Variants in ROBO2 observed in about 807,000 individuals in gnomAD.
The protein encoded by ROBO2 is roundabout homolog 2.
A neutral mutation model predicts 160.8 loss-of-function variants in ROBO2; 53 were observed. The observed-to-expected ratio is 0.33, with a 90% CI of 0.26 to 0.41. The LOEUF is 0.41. ROBO2 is among the 10% of genes least tolerant of loss of function. The pLI, the probability that ROBO2 is intolerant of heterozygous loss-of-function variation, is 1.00. For missense variants in ROBO2, 1,577 were observed against 1,722.4 expected (o/e 0.92, Z 1.49); for synonymous variants, 664 against 611.7 (o/e 1.09, Z -1.26).
chr3:76,224,094 A>C (rs138785154), intron 2 of ROBO2, among the ~76,000 whole-genome samples: 30 of 152,316 alleles, frequency 2.0e-4, no homozygotes, highest in African/African-American at 7.2e-4. Context: ...TTTTCTAATA[A>C]GTCTCTTATT....
At chr3:77,234,972 GATAT>G (rs1047564340) in intron 2 of ROBO2, among the ~76,000 whole-genome samples, 1 of 152,114 alleles carries the variant, frequency 6.6e-6, no homozygotes, top group South Asian at 2.1e-4. Flanking sequence ...GCATTGTGAA[GATAT>G]ATATATAATT....
At chr3:77,566,538 A>G (rs781172649) in intron 12 of ROBO2, among the ~76,000 whole-genome samples, 15 of 152,114 alleles carry the variant, frequency 9.9e-5, no homozygotes, top group Non-Finnish European at 1.8e-4. Flanking sequence ...CTTTGTGCAT[A>G]GAAATAGTTT....
intron 1 of ROBO2, among the ~76,000 whole-genome samples, chr3:77,052,025 T>A (rs1329298692): frequency 6.6e-6 from 1 of 152,208 alleles, no homozygotes; most frequent in Non-Finnish European, 1.5e-5. Flanking sequence ...AGAACATGTG[T>A]CTGCTTTGTA....
In ROBO2 at chr3:76,438,814, C is replaced by T. The variant is rs142297909; in HGVS notation, c.109+501212C>T. ...TATGCTTTATTTAAATATATACATT[C>T]AATGAATAAAGAAAATTTAGAATCT... On this transcript the variant is annotated intron_variant, in intron 2 of 26. Transcript: ENST00000487694. Among the ~76,000 whole-genome samples, 29 of 151,788 alleles carry T rather than the reference C, an allele frequency of 1.9e-4. No homozygotes were observed. The East Asian group carries it at 5.6e-3, about 29-fold the overall frequency.
intron 13 of ROBO2, among the ~76,000 whole-genome samples, chr3:77,569,435 A>G (rs2093581803): frequency 1.3e-5 from 2 of 151,916 alleles, no homozygotes. Flanking sequence ...AATCATATTC[A>G]TCTTCTCATG....
intron 2 of ROBO2, among the ~76,000 whole-genome samples, chr3:76,438,489 T>TA (rs2076783891): frequency 6.6e-6 from 1 of 151,738 alleles, no homozygotes; most frequent in East Asian, 1.9e-4. Context: ...AGTAATCCTA[T>TA]AAAAAATATA....
Position 75,930,946 on chromosome 3 carries a change from C to T in ROBO2, c.-13-6535C>T, listed in dbSNP as rs138634015. Among the ~76,000 whole-genome samples, 29 of 152,338 alleles carry T rather than the reference C, an allele frequency of 1.9e-4. No individual in the cohort carries two copies. The East Asian group carries it at 4.6e-3, about 24-fold the overall frequency. ...TTCTTAATCTCCTACACTTTGTTAG[C>T]TACATAGAAACCAAAGTGATCTCTT... On this transcript the variant is annotated intron_variant, in intron 1 of 26. Coordinates refer to the ROBO2 transcript ENST00000487694.
intron 2 of ROBO2, among the ~76,000 whole-genome samples, chr3:76,808,875 A>G (rs953618163): frequency 6.6e-6 from 1 of 152,096 alleles, no homozygotes; most frequent in African/African-American, 2.4e-5. Flanking sequence ...TGGTAGGAAA[A>G]TAAATATGGA....
At chr3:76,609,514 T>TC (rs60943808) in intron 2 of ROBO2, among the ~76,000 whole-genome samples, 2 of 152,162 alleles carry the variant, frequency 1.3e-5, no homozygotes, top group Non-Finnish European at 2.9e-5. Flanking sequence ...ATTTTTTTTT[T>TC]CAGATTGCTC....
intron 2 of ROBO2, among the ~76,000 whole-genome samples, chr3:76,158,692 C>A (rs1232868477): frequency 1.3e-5 from 2 of 152,030 alleles, no homozygotes; most frequent in Non-Finnish European, 2.9e-5. Flanking sequence ...AGAGAAGTAG[C>A]CCTGCATTGT....
intron 2 of ROBO2, among the ~76,000 whole-genome samples, chr3:77,024,362 G>A (rs75581107): frequency 1.3e-5 from 2 of 152,256 alleles, no homozygotes; most frequent in South Asian, 2.1e-4. Context: ...ATGCAGAAAC[G>A]AGTCTAACAC....
chr3:76,951,310 A>C (rs9834230), intron 2 of ROBO2, among the ~76,000 whole-genome samples: 5,270 of 152,280 alleles, frequency 0.035, 282 homozygotes, highest in African/African-American at 0.12. Context: ...TGTGTGAACA[A>C]ACACTCTGGT....
chr3:77,434,473 A>T (rs559608859), intron 2 of ROBO2, among the ~76,000 whole-genome samples: 9 of 152,286 alleles, frequency 5.9e-5, no homozygotes, highest in African/African-American at 2.2e-4. Flanking sequence ...ACACAACTTT[A>T]TCATTACTGA....
intron 2 of ROBO2, among the ~76,000 whole-genome samples, chr3:77,398,717 G>A (rs1196972029): frequency 4.6e-5 from 7 of 151,972 alleles, no homozygotes; most frequent in Non-Finnish European, 7.4e-5. Context: ...TAGTTGCTGG[G>A]ACTGCAGGCA....
intron 2 of ROBO2, among the ~76,000 whole-genome samples, chr3:77,225,926 C>T (rs1242087006): frequency 1.3e-5 from 2 of 151,920 alleles, no homozygotes; most frequent in East Asian, 3.9e-4. Flanking sequence ...GACAGCATTT[C>T]TTCTAAGTTC....
chr3:77,114,368 T>C (rs1024867977), intron 2 of ROBO2, among the ~76,000 whole-genome samples: 1 of 152,216 alleles, frequency 6.6e-6, no homozygotes, highest in Non-Finnish European at 1.5e-5. Flanking sequence ...GTAGCACTTT[T>C]AAGCTAACCT....
At chr3:76,654,623 A>G (rs1031471109) in intron 2 of ROBO2, among the ~76,000 whole-genome samples, 2 of 152,224 alleles carry the variant, frequency 1.3e-5, no homozygotes, top group Middle Eastern at 3.4e-3. Context: ...CTGGGGTAAT[A>G]GGGACTTTCA....
intron 16 of ROBO2, among the ~76,000 whole-genome samples, chr3:77,583,360 TA>T (rs1198323750): frequency 6.6e-6 from 1 of 151,754 alleles, no homozygotes; most frequent in Non-Finnish European, 1.5e-5. Context: ...ATCACAGCCC[TA>T]CTCTTTTCTT....
At chr3:76,124,375 C>A (rs1949346) in intron 2 of ROBO2, among the ~76,000 whole-genome samples, 8,557 of 151,938 alleles carry the variant, frequency 0.056, 493 homozygotes, top group East Asian at 0.15. Flanking sequence ...ACTCTATACT[C>A]CTTATATGCC....
Sources: allele counts gnomAD v4.1 joint callset (sites outside exome capture counted in the v4.1 genomes callset), GRCh38; gene constraint gnomAD v4.1.1; transcripts MANE v1.5; gene names NCBI Gene and HGNC (gene_info 2026-07-23, HGNC 2026-07-21).